Variants in OR51G2 observed in about 807,000 individuals in gnomAD.
The protein encoded by OR51G2 is olfactory receptor 51G2.
OR51G2 carries 13 observed loss-of-function variants against 11.8 expected under a neutral mutation model. That is an observed-to-expected ratio of 1.10 (90% CI 0.72 to 1.76). The LOEUF (loss-of-function observed/expected upper bound fraction) is 1.76, where lower values mean the gene tolerates loss of function less well. Ranked by LOEUF, OR51G2 falls within the 40% of genes most tolerant of loss-of-function variation. OR51G2 has a pLI of 0.00. For missense variants in OR51G2, 474 were observed against 394.4 expected (o/e 1.20, Z -1.71); for synonymous variants, 178 against 151.9 (o/e 1.17, Z -1.26).
intron 1 of OR51G2, among the ~76,000 whole-genome samples, chr11:4,917,545 G>A (rs1851116386): frequency 1.3e-5 from 2 of 152,084 alleles, no homozygotes; most frequent in East Asian, 1.9e-4. Flanking sequence ...CTCCAATAAC[G>A]GTGGCATTAA....
rs890923462 is a variant in OR51G2, at chr11:4,913,568, G to T, written c.*1151C>A. 2.0e-5 allele frequency: 3 copies of T among 152,026 alleles called. No individual in the cohort carries two copies. The highest frequency in any genetic ancestry group is 7.3e-5 in the African/African-American group (3 of 41,374). 9.4% of individuals were successfully genotyped at this position (152,026 alleles called of 1,614,324 possible). ...AACTTTTATCTAGAATGTCTTGGGG[G>T]TACAATAACAATACAACATATAAAA... On this transcript the variant is annotated 3_prime_UTR_variant, in exon 2 of 2. Transcript: ENST00000641926.
chr11:4,914,547 C>T lies in OR51G2; in HGVS notation c.*172G>A, dbSNP rs796827906. The T allele has an allele frequency of 7.3e-6, 4 of 549,282 alleles. No individual in the cohort carries two copies. In the South Asian group the frequency reaches 1.2e-4, roughly 16 times the overall value. 34.0% of individuals were successfully genotyped at this position (549,282 alleles called of 1,614,324 possible). On this transcript the variant is annotated 3_prime_UTR_variant, in exon 2 of 2. Coordinates refer to ENST00000641926, the MANE Select transcript of OR51G2 (RefSeq NM_001005238.2). ...TTACCACATCATATTACATTTTACCCCCCCCTGCCCTGGCCACAACAGAGT... is the reference window on the plus strand; with the variant it reads ...TTACCACATCATATTACATTTTACCTCCCCCTGCCCTGGCCACAACAGAGT...
At chr11:4,916,189 C>T (rs928205663) in intron 1 of OR51G2, among the ~76,000 whole-genome samples, 8 of 151,538 alleles carry the variant, frequency 5.3e-5, no homozygotes, top group African/African-American at 1.7e-4. Context: ...AGGGAGAATT[C>T]AGCCTCCCTC....
Position 4,913,142 on chromosome 11 carries a change from G to A in OR51G2, c.*1577C>T, listed in dbSNP as rs1048368915. On this transcript the variant is annotated 3_prime_UTR_variant, in exon 2 of 2. Coordinates refer to ENST00000641926, the MANE Select transcript of OR51G2 (RefSeq NM_001005238.2). ...TCAAATGGTCATTCTCAACTTTGTG[G>A]CTAAATAAGCTCTTTTAAACTGGGT... is the stretch of plus-strand genomic sequence containing the variant. 1 of 152,100 alleles carries A rather than the reference G, an allele frequency of 6.6e-6. No individual in the cohort carries two copies. The highest frequency in any genetic ancestry group is 1.5e-5 in the Non-Finnish European group (1 of 68,020). The allele number at this position is 152,100 out of a possible 1,614,324, so 9.4% of individuals were successfully genotyped here. A position where few individuals can be genotyped will look rare whatever the true frequency, so the allele number is the denominator to read the frequency against.
intron 1 of OR51G2, among the ~76,000 whole-genome samples, chr11:4,917,981 A>G (rs1346436281): frequency 1.3e-5 from 2 of 151,380 alleles, no homozygotes; most frequent in Non-Finnish European, 2.9e-5. Flanking sequence ...TTGACATTAA[A>G]ATGAAATAGG....
In OR51G2 at chr11:4,914,240, T is replaced by C. The variant is rs7112101; in HGVS notation, c.*479A>G. The C allele has an allele frequency of 0.47, 73,605 of 157,198 alleles. 18,030 individuals are homozygous for C. Among genetic ancestry groups the C allele is most frequent in the African/African-American group, 0.6 (24,826 of 41,398 alleles). The allele number at this position is 157,198 out of a possible 1,614,324, so 9.7% of individuals were successfully genotyped here. A position where few individuals can be genotyped will look rare whatever the true frequency, so the allele number is the denominator to read the frequency against. The stretch of plus-strand genomic sequence containing the variant: ...ACTGGATGGAACACCTACATGGGCC[T>C]TCTCCACGTCGCCTGGGCTTCCTCT... On this transcript the variant is annotated 3_prime_UTR_variant, in exon 2 of 2. Coordinates refer to ENST00000641926, the MANE Select transcript of OR51G2 (RefSeq NM_001005238.2).
chr11:4,915,544 A>G lies in OR51G2; in HGVS notation c.120T>C (p.Tyr40=), dbSNP rs372813436. Residue 40 remains tyrosine, a synonymous_variant, in exon 2 of 2, where the codon TAT becomes TAC. Coordinates refer to ENST00000641926, the MANE Select transcript of OR51G2 (RefSeq NM_001005238.2). The part of the protein sequence containing the change: ...IWISIPLCFM[Y]LVSIPGNCTI... ...TGCAGTTGCCCGGGATGGAAACCAGATACATGAAGCACAGTGGGATGGAGA... is the reference window on the plus strand; with the variant it reads ...TGCAGTTGCCCGGGATGGAAACCAGGTACATGAAGCACAGTGGGATGGAGA... 1.1e-5 allele frequency: 17 copies of G among 1,613,950 alleles called. No individual in the cohort carries two copies. The African/African-American group carries it at 2.3e-4, about 22-fold the overall frequency.
chr11:4,913,041 C>T lies in OR51G2; in HGVS notation c.*1678G>A, dbSNP rs1446024239. The T allele has an allele frequency of 2.6e-5, 4 of 152,182 alleles. No individual in the cohort carries two copies. The highest frequency in any genetic ancestry group is 5.9e-5 in the Non-Finnish European group (4 of 68,034). 9.4% of individuals were successfully genotyped at this position (152,182 alleles called of 1,614,324 possible). ...GTTGTAGTCCTCTTAAATTTATTTG[C>T]TTTCCACGTGCATAAGCAAATCCTT... On this transcript the variant is annotated 3_prime_UTR_variant, in exon 2 of 2. Transcript: ENST00000641926.
chr11:4,918,223 C>G (rs1851127433), intron 1 of OR51G2, among the ~76,000 whole-genome samples: 1 of 152,102 alleles, frequency 6.6e-6, no homozygotes, highest in African/African-American at 2.4e-5. Flanking sequence ...ATCTCTATAG[C>G]TTCAAGGCAC....
chr11:4,916,224 G>A (rs1354417460), intron 1 of OR51G2, among the ~76,000 whole-genome samples: 1 of 151,790 alleles, frequency 6.6e-6, no homozygotes, highest in Admixed American at 6.6e-5. Flanking sequence ...GTTGGCAGTG[G>A]CTGTGTTCTG....
In OR51G2 at chr11:4,915,307, C is replaced by T. The variant is rs776335795; in HGVS notation, c.357G>A (p.Val119=). Residue 119 remains valine (V), a synonymous_variant, in exon 2 of 2, where the codon GTG becomes GTA. Coordinates refer to ENST00000641926, the MANE Select transcript of OR51G2 (RefSeq NM_001005238.2). ...IHCFSFLESS[V]LLSMAFDRFV... is the part of the protein sequence containing the mutation. ...AGCGGTCAAAGGCCATAGACAGTAGCACAGAGGACTCGAGGAAGGAGAAGC... is the reference window on the plus strand; with the variant it reads ...AGCGGTCAAAGGCCATAGACAGTAGTACAGAGGACTCGAGGAAGGAGAAGC... 7 of 1,613,922 alleles carry T rather than the reference C, an allele frequency of 4.3e-6. No individual in the cohort carries two copies. In the South Asian group the frequency reaches 7.7e-5, roughly 18 times the overall value.
chr11:4,917,132 C>A (rs77145981), intron 1 of OR51G2, among the ~76,000 whole-genome samples: 9 of 142,872 alleles, frequency 6.3e-5, no homozygotes, highest in Non-Finnish European at 9.1e-5. Context: ...TGCCCCAGTA[C>A]GCAGCAGATG....
rs1851010054 is a variant in OR51G2, at chr11:4,912,723, C to A, written c.*1996G>T. 1 of 152,090 alleles carries A rather than the reference C, an allele frequency of 6.6e-6. No homozygotes were observed. The highest frequency in any genetic ancestry group is 6.6e-5 in the Admixed American group (1 of 15,260). 9.4% of individuals were successfully genotyped at this position (152,090 alleles called of 1,614,324 possible). A position where few individuals can be genotyped will look rare whatever the true frequency, so the allele number is the denominator to read the frequency against. On this transcript the variant is annotated 3_prime_UTR_variant, in exon 2 of 2. Transcript: ENST00000641926. ...GAGTTACGTAACAGGCAGCTATAAC[C>A]TAGGCAGCTGTAATCTTTGTTTCTC...
rs1266173412 is a variant in OR51G2, at chr11:4,914,708, A to G, written c.*11T>C. 6.3e-7 allele frequency: 1 copy of G among 1,591,464 alleles called. No homozygotes were observed. Among genetic ancestry groups the G allele is most frequent in the Admixed American group, 1.7e-5 (1 of 59,548 alleles). On this transcript the variant is annotated 3_prime_UTR_variant, in exon 2 of 2. Coordinates refer to ENST00000641926, the MANE Select transcript of OR51G2 (RefSeq NM_001005238.2). Reference sequence around the variant, plus strand: ...CGTTTCAGGAGACAGTGGCTCTAACACTAGACACAGTTAGTAACAAAAGGC... The same window carrying G: ...CGTTTCAGGAGACAGTGGCTCTAACGCTAGACACAGTTAGTAACAAAAGGC...
At chr11:4,918,899 A>G (rs1252023759) in intron 1 of OR51G2, among the ~76,000 whole-genome samples, 2 of 152,216 alleles carry the variant, frequency 1.3e-5, no homozygotes, top group Admixed American at 1.3e-4. Flanking sequence ...TCTTGGAAAT[A>G]ACTCCTATTC....
At position 4,915,235 on chromosome 11, in the gene OR51G2, G is replaced by A. The variant is rs756594291; in HGVS notation, c.429C>T (p.Asn143=). 6.2e-7 allele frequency: 1 copy of A among 1,614,012 alleles called. No homozygotes were observed. Among genetic ancestry groups the A allele is most frequent in the Admixed American group, 1.7e-5 (1 of 60,016 alleles). The change falls in exon 2 of 2, where the codon AAC becomes AAT. Residue 143 remains asparagine (N), a synonymous_variant. Transcript: ENST00000641926. ...CCAGGCCAATCCTGCCAATGACTGT[G>A]TTGGTGAGAATGGAAACATAGTGCA... ...HPLHYVSILT[N]TVIGRIGLVS...
intron 1 of OR51G2, among the ~76,000 whole-genome samples, chr11:4,917,555 A>G (rs775870712): frequency 3.3e-5 from 5 of 152,184 alleles, no homozygotes; most frequent in African/African-American, 7.2e-5. Flanking sequence ...GGTGGCATTA[A>G]TAGTTTGGGC....
chr11:4,918,318 T>A (rs541887948), intron 1 of OR51G2, among the ~76,000 whole-genome samples: 1 of 152,186 alleles, frequency 6.6e-6, no homozygotes, highest in African/African-American at 2.4e-5. Flanking sequence ...GAGGTTAAAT[T>A]AGAAAGATAT....
chr11:4,915,108 G>A lies in OR51G2; in HGVS notation c.556C>T (p.His186Tyr). Residue 186 changes from histidine to tyrosine, a missense_variant, in exon 2 of 2, where the codon CAC becomes TAC. By Grantham distance (83) the His-to-Tyr change is moderately conservative (BLOSUM62 2). Transcript: ENST00000641926. ...SPVLSHSYCL[H>Y]QEVMKLACAD... is the part of the protein sequence containing the mutation. ...CAGGCCAATTTCATCACTTCTTGGT[G>A]GAGACAATAAGAATGTGAGAGAACT... 1 of 1,614,136 alleles carries A rather than the reference G, an allele frequency of 6.2e-7. No homozygotes were observed. The highest frequency in any genetic ancestry group is 8.5e-7 in the Non-Finnish European group (1 of 1,180,008).
Sources: gnomAD v4.1 joint callset for allele counts (sites outside exome capture counted in the v4.1 genomes callset) on GRCh38, gnomAD v4.1.1 for gene constraint, MANE v1.5 for transcripts, NCBI Gene and HGNC (gene_info 2026-07-23, HGNC 2026-07-21) for gene names.